The following TMEM232 variants were observed in gnomAD, a reference collection of about 807,000 sequenced individuals.
The protein encoded by TMEM232 is transmembrane protein 232.
TMEM232 carries 80 observed loss-of-function variants against 78.8 expected under a neutral mutation model. The observed-to-expected ratio is 1.01, with a 90% confidence interval of 0.85 to 1.22. TMEM232 has a LOEUF of 1.22. Among genes scored for constraint, TMEM232 ranks in the 50% most tolerant of loss-of-function variants. TMEM232 has a pLI of 0.00. For missense variants in TMEM232, 881 were observed against 742.2 expected, an observed-to-expected ratio of 1.19 and a Z score of -2.17; for synonymous variants, 297 against 254.3, an observed-to-expected ratio of 1.17 and a Z score of -1.60.
At chr5:110,440,068 G>A (rs1231350671) in intron 12 of TMEM232, among the ~76,000 whole-genome samples, 2 of 152,104 alleles carry the variant, frequency 1.3e-5, no homozygotes, top group Admixed American at 6.6e-5. Flanking sequence ...AAAACATAAT[G>A]TGCCCCCAGG....
In TMEM232 at chr5:110,529,870, C is replaced by T. The variant is rs1297720502; in HGVS notation, c.1456-1035G>A. On this transcript the variant is annotated intron_variant, in intron 11 of 13. Transcript: ENST00000455884. The stretch of plus-strand genomic sequence containing the variant: ...AATGTAAGTAAAAGGGCATATGTTA[C>T]AACTTTTTTATGTTCATGATATGTA... Among the ~76,000 whole-genome samples the T allele has an allele frequency of 2.0e-5, 3 of 152,114 alleles. No individual in the cohort carries two copies. In the East Asian group the frequency reaches 5.8e-4, roughly 29 times the overall value.
intron 12 of TMEM232, among the ~76,000 whole-genome samples, chr5:110,439,210 TA>T (rs200453986): frequency 9.9e-5 from 15 of 151,942 alleles, no homozygotes; most frequent in Middle Eastern, 3.2e-3. Context: ...TATACAAAGT[TA>T]AAAAAAATCT....
At chr5:110,469,383 G>A (rs1188313939) in intron 12 of TMEM232, among the ~76,000 whole-genome samples, 1 of 152,110 alleles carries the variant, frequency 6.6e-6, no homozygotes, top group Non-Finnish European at 1.5e-5. Context: ...TACCAAATGC[G>A]GCCAAGCACC....
intron 12 of TMEM232, among the ~76,000 whole-genome samples, chr5:110,448,974 T>C (rs1023871309): frequency 4.0e-5 from 6 of 151,870 alleles, no homozygotes; most frequent in African/African-American, 9.7e-5. Context: ...ATGAAGTCCA[T>C]AGAAGGCAAA....
At chr5:110,531,128 C>G (rs1771400331) in intron 11 of TMEM232, among the ~76,000 whole-genome samples, 1 of 151,400 alleles carries the variant, frequency 6.6e-6, no homozygotes, top group African/African-American at 2.4e-5. Flanking sequence ...AGCTCCCCTA[C>G]TGAGCACCCT....
At position 110,457,813 on chromosome 5, in the gene TMEM232, G is replaced by A. The variant is rs781463684; in HGVS notation, c.1704-32897C>T. ...GCAAATAAGATTTTCTGATGGAAAT[G>A]TTGGTATATATTAGAAGGAATTATT... On this transcript the variant is annotated intron_variant, in intron 12 of 13. Transcript: ENST00000455884. Among the ~76,000 whole-genome samples the A allele has an allele frequency of 2.6e-5, 4 of 152,130 alleles. No individual in the cohort carries two copies. The South Asian group carries it at 6.2e-4, about 24-fold the overall frequency.
chr5:110,632,699 GA>G (rs1365532929), intron 5 of TMEM232, among the ~76,000 whole-genome samples: 4 of 151,426 alleles, frequency 2.6e-5, no homozygotes, highest in Non-Finnish European at 4.4e-5. Context: ...ATAACTTGGA[GA>G]AAAACAAAGA....
intron 11 of TMEM232, among the ~76,000 whole-genome samples, chr5:110,557,084 AT>A (rs1303348773): frequency 6.6e-6 from 1 of 151,806 alleles, no homozygotes; most frequent in Non-Finnish European, 1.5e-5. Flanking sequence ...ATTCTCTTTT[AT>A]ATATTTTTAT....
intron 1 of TMEM232, among the ~76,000 whole-genome samples, chr5:110,723,869 T>C (rs1797895446): frequency 6.6e-6 from 1 of 152,178 alleles, no homozygotes; most frequent in African/African-American, 2.4e-5. Flanking sequence ...TCCCAATTTC[T>C]TTTACCTCCC....
intron 10 of TMEM232, among the ~76,000 whole-genome samples, chr5:110,587,663 GTATATATATATATA>G (rs377139293): frequency 2.1e-5 from 2 of 96,280 alleles, no homozygotes; most frequent in African/African-American, 8.1e-5. Context: ...GTACATGTAT[GTATATATATATATA>G]TATATATATA....
chr5:110,498,388 C>A (rs1283742400), intron 12 of TMEM232, among the ~76,000 whole-genome samples: 1 of 152,124 alleles, frequency 6.6e-6, no homozygotes, highest in Non-Finnish European at 1.5e-5. Flanking sequence ...TAAGCCCTAT[C>A]TGGATCAGAA....
At chr5:110,528,449 A>G (rs1280603932) in intron 12 of TMEM232, 139 bp downstream of exon 12, 2 of 648,068 alleles carry the variant, frequency 3.1e-6, no homozygotes, top group Non-Finnish European at 4.5e-6. Flanking sequence ...ATGATAGATC[A>G]TCTAAGAGGT....
At chr5:110,537,161 A>T (rs1479816410) in intron 11 of TMEM232, among the ~76,000 whole-genome samples, 1 of 151,964 alleles carries the variant, frequency 6.6e-6, no homozygotes, top group African/African-American at 2.4e-5. Context: ...GCAACTCTTC[A>T]TCTATTCCAC....
chr5:110,561,561 A>G (rs1027574558), intron 11 of TMEM232, among the ~76,000 whole-genome samples: 1 of 152,130 alleles, frequency 6.6e-6, no homozygotes, highest in African/African-American at 2.4e-5. Flanking sequence ...TTCATATTGA[A>G]GAATATAGCA....
intron 12 of TMEM232, among the ~76,000 whole-genome samples, chr5:110,520,877 C>A: frequency 6.6e-6 from 1 of 152,128 alleles, no homozygotes; most frequent in South Asian, 2.1e-4. Flanking sequence ...AAGATCGCAC[C>A]ATTGCACTAC....
At chr5:110,523,986 T>C (rs1210624865) in intron 12 of TMEM232, among the ~76,000 whole-genome samples, 2 of 25,848 alleles carry the variant, frequency 7.7e-5, no homozygotes, top group Non-Finnish European at 1.5e-4. Context: ...GCGGGGGGGC[T>C]GGGCCTGGTG....
intron 1 of TMEM232, among the ~76,000 whole-genome samples, chr5:110,702,640 G>T (rs1229205956): frequency 6.6e-6 from 1 of 152,030 alleles, no homozygotes; most frequent in Non-Finnish European, 1.5e-5. Context: ...TCACAGAACA[G>T]CTTTTGATGT....
downstream of TMEM232, among the ~76,000 whole-genome samples, chr5:110,418,531 C>A (rs927081841): frequency 6.6e-6 from 1 of 151,952 alleles, no homozygotes; most frequent in Non-Finnish European, 1.5e-5. Flanking sequence ...ATCTCTCTCT[C>A]TCCTTTTCTT....
At chr5:110,684,973 T>G (rs376277214) in intron 1 of TMEM232, 8 of 152,094 alleles carry the variant, frequency 5.3e-5, no homozygotes, top group African/African-American at 1.9e-4. Flanking sequence ...AAAGTATGTC[T>G]TAACGAATTG....
Sources: gnomAD v4.1 joint callset for allele counts (sites outside exome capture counted in the v4.1 genomes callset) on GRCh38, gnomAD v4.1.1 for gene constraint, MANE v1.5 for transcripts, NCBI Gene and HGNC (gene_info 2026-07-23, HGNC 2026-07-21) for gene names.